The following RUSC2 variants were observed in gnomAD, a reference collection of about 807,000 sequenced individuals.
RUSC2 encodes the protein AP-4 complex accessory subunit RUSC2.
Under a neutral mutation model 122.2 loss-of-function variants are expected in RUSC2, and 34 were observed. That is an observed-to-expected ratio of 0.28 (90% confidence interval 0.21 to 0.37). The LOEUF is 0.37. Ranked by LOEUF, RUSC2 falls within the 10% of genes least tolerant of loss-of-function variation. The probability of loss-of-function intolerance (pLI) is 1.00; values close to 1 mark genes in which losing one functional copy is unlikely to be tolerated. For synonymous variants in RUSC2, 784 were observed against 790.0 expected, an observed-to-expected ratio of 0.99 and a Z score of 0.13; for missense variants, 1,747 against 1,952.4, an observed-to-expected ratio of 0.89 and a Z score of 1.98.
At chr9:35,505,861 T>C (rs1380011003) in intron 1 of RUSC2, among the ~76,000 whole-genome samples, 1 of 152,174 alleles carries the variant, frequency 6.6e-6, no homozygotes, top group Non-Finnish European at 1.5e-5. Context: ...AAAGGGCATC[T>C]ACAAAAAACC....
chr9:35,553,346 G>A (rs1036701189), intron 2 of RUSC2, among the ~76,000 whole-genome samples: 1 of 152,200 alleles, frequency 6.6e-6, no homozygotes, highest in Non-Finnish European at 1.5e-5. Context: ...TCATTTAACA[G>A]ATGGTTTTTC....
Position 35,513,903 on chromosome 9 carries a change from CATATATATAT to C in RUSC2, c.-93+23758_-93+23767del, listed in dbSNP as rs3068511. ...CTTTTGTAAATAGTGCTTCAACAAACATATATATATATATATATATATATATATATATATA... is the reference window on the plus strand; with the variant it reads ...CTTTTGTAAATAGTGCTTCAACAAACATATATATATATATATATATATATA... On this transcript the variant is annotated intron_variant, in intron 1 of 11. Coordinates refer to ENST00000361226, the MANE Select transcript of RUSC2 (RefSeq NM_014806.5). 3.6e-3 allele frequency among the ~76,000 whole-genome samples: 370 copies of C among 104,212 alleles called. 3 individuals carry two copies. The highest frequency in any genetic ancestry group is 6.6e-3 in the African/African-American group (177 of 26,900). 68.4% of individuals were successfully genotyped at this position (104,212 alleles called of 152,430 possible).
At chr9:35,499,621 C>T (rs972670604) in intron 1 of RUSC2, among the ~76,000 whole-genome samples, 1 of 152,100 alleles carries the variant, frequency 6.6e-6, no homozygotes, top group Admixed American at 6.5e-5. Flanking sequence ...GATCAAAAGT[C>T]TATACTTAAC....
intron 1 of RUSC2, among the ~76,000 whole-genome samples, chr9:35,494,627 C>A (rs916836570): frequency 6.6e-6 from 1 of 151,812 alleles, no homozygotes; most frequent in African/African-American, 2.4e-5. Flanking sequence ...GTCCTTTGCC[C>A]ATTCTTGGAT....
intron 1 of RUSC2, among the ~76,000 whole-genome samples, chr9:35,536,151 G>T (rs1415097942): frequency 1.3e-5 from 2 of 151,126 alleles, no homozygotes; most frequent in Non-Finnish European, 3.0e-5. Context: ...CAATGAGAAA[G>T]TACAGTATGC....
At chr9:35,531,801 G>A (rs1432767615) in intron 1 of RUSC2, among the ~76,000 whole-genome samples, 2 of 152,162 alleles carry the variant, frequency 1.3e-5, no homozygotes, top group Non-Finnish European at 2.9e-5. Context: ...CAAGGCAGGC[G>A]GATCACGAGG....
At chr9:35,502,732 G>A (rs1417753086) in intron 1 of RUSC2, among the ~76,000 whole-genome samples, 1 of 152,140 alleles carries the variant, frequency 6.6e-6, no homozygotes, top group East Asian at 1.9e-4. Flanking sequence ...ATCTATGTTT[G>A]AATGAGCCAT....
In RUSC2 at chr9:35,493,830, T is replaced by C. The variant is rs1330569014; in HGVS notation, c.-93+3658T>C. Among the ~76,000 whole-genome samples, 7 of 152,270 alleles carry C rather than the reference T, an allele frequency of 4.6e-5. No homozygotes were observed. The East Asian group carries it at 1.4e-3, about 29-fold the overall frequency. Reference sequence around the variant, plus strand: ...AATTTCACTCCTTTTAAAGGCTGAATAATATTCCATTGTATGTATACACTA... The same window carrying C: ...AATTTCACTCCTTTTAAAGGCTGAACAATATTCCATTGTATGTATACACTA... On this transcript the variant is annotated intron_variant, in intron 1 of 11. Transcript: ENST00000361226.
chr9:35,558,207 G>C lies in RUSC2; in HGVS notation c.3071G>C (p.Gly1024Ala), dbSNP rs1291721718. Residue 1024 changes from glycine to alanine, a missense_variant, in exon 7 of 12, where the codon GGA becomes GCA. By Grantham distance (60) the Gly-to-Ala change is moderately conservative. Transcript: ENST00000361226. The surrounding 1 kb of genome is among the most constrained non-coding windows in gnomAD (Gnocchi z 4.3). ...SRDPGVKAKL[G>A]NSSVSPNVGH... ...CTACCACACCTACAGGCAAAGCTGGGAAACAGTTCTGTGAGCCCCAATGTG... is the reference window on the plus strand; with the variant it reads ...CTACCACACCTACAGGCAAAGCTGGCAAACAGTTCTGTGAGCCCCAATGTG... 1 of 1,613,248 alleles carries C rather than the reference G, an allele frequency of 6.2e-7. No homozygotes were observed. Among genetic ancestry groups the C allele is most frequent in the African/African-American group, 1.3e-5 (1 of 75,040 alleles).
At position 35,555,959 on chromosome 9, in the gene RUSC2, C is replaced by G. The variant is rs1024801831; in HGVS notation, c.2664C>G (p.His888Gln). The G allele has an allele frequency of 6.2e-7, 1 of 1,614,014 alleles. No individual in the cohort carries two copies. The highest frequency in any genetic ancestry group is 1.3e-5 in the African/African-American group (1 of 75,068). The change falls in exon 4 of 12, where the codon CAC (histidine) becomes CAG (glutamine). Residue 888 changes from histidine to glutamine, a missense_variant. Physicochemically the swap from His to Gln is conservative, Grantham distance 24 (BLOSUM62 0). Transcript: ENST00000361226. The surrounding 1 kb of genome is among the most constrained non-coding windows in gnomAD (Gnocchi z 4.6). ...SMATRPSNAN[H>Q]LSPQALKWRE... ...AATCTGTTCTGCTTCCAGCCAACCA[C>G]CTATCCCCTCAAGCCCTCAAGTGGC...
Position 35,548,350 on chromosome 9 carries a change from G to A in RUSC2, c.1829G>A (p.Gly610Asp). The change falls in exon 2 of 12, where the codon GGC becomes GAC. Residue 610 changes from glycine to aspartate, a missense_variant. By Grantham distance (94) the Gly-to-Asp change is moderately conservative (BLOSUM62 -1). Transcript: ENST00000361226. The surrounding 1 kb of genome is among the most constrained non-coding windows in gnomAD (Gnocchi z 4.5). ...MPLGPGMDLL[G>D]PDPSPPWSTQ... ...TTGGGGCCAGGCATGGACCTACTTG[G>A]CCCAGACCCAAGTCCACCCTGGTCC... 6.2e-7 allele frequency: 1 copy of A among 1,614,022 alleles called. No individual in the cohort carries two copies. The highest frequency in any genetic ancestry group is 8.5e-7 in the Non-Finnish European group (1 of 1,180,032).
In RUSC2 at chr9:35,547,256, A is replaced by G; in HGVS notation, c.735A>G (p.Ser245=). 1 of 1,614,216 alleles carries G rather than the reference A, an allele frequency of 6.2e-7. No individual in the cohort carries two copies. The highest frequency in any genetic ancestry group is 8.5e-7 in the Non-Finnish European group (1 of 1,180,034). Residue 245 remains serine, a synonymous_variant, in exon 2 of 12, where the codon TCA becomes TCG. Transcript: ENST00000361226. The surrounding 1 kb of genome is among the most constrained non-coding windows in gnomAD (Gnocchi z 4.6). ...ESPRNPGCSG[S]GDQHCRCSST... is the part of the protein sequence containing the mutation. ...CAAGGAACCCTGGATGCTCCGGCTC[A>G]GGGGACCAGCACTGCCGCTGCAGTA...
intron 1 of RUSC2, among the ~76,000 whole-genome samples, chr9:35,514,084 A>G (rs1228641572): frequency 2.0e-5 from 3 of 151,934 alleles, no homozygotes; most frequent in African/African-American, 4.8e-5. Flanking sequence ...ATATTAATCT[A>G]TGCATCCCAG....
In RUSC2 at chr9:35,526,200, C is replaced by T. The variant is rs150380893; in HGVS notation, c.-92-20230C>T. ...TCAGTAACCAATGTTTATATTCATG[C>T]CTGCTTTATTTTGAGCACCCTGGAT... On this transcript the variant is annotated intron_variant, in intron 1 of 11. Coordinates refer to ENST00000361226, the MANE Select transcript of RUSC2 (RefSeq NM_014806.5). 2.4e-3 allele frequency among the ~76,000 whole-genome samples: 364 copies of T among 152,204 alleles called. 1 individual carries two copies. Among genetic ancestry groups the T allele is most frequent in the Non-Finnish European group, 3.7e-3 (253 of 68,014 alleles).
chr9:35,492,029 G>A (rs1820577719), intron 1 of RUSC2, among the ~76,000 whole-genome samples: 1 of 152,076 alleles, frequency 6.6e-6, no homozygotes, highest in Non-Finnish European at 1.5e-5. Flanking sequence ...TGATCTGGAT[G>A]GATTAAGCAA....
At position 35,558,662 on chromosome 9, in the gene RUSC2, C is replaced by T. The variant is rs1314107871; in HGVS notation, c.3341+95C>T. ...CCAAGGAAACAACGCCCTGGACAGA[C>T]AGAAAGGGTGGATCTGGAGGGTCCC... On this transcript the variant is annotated intron_variant, in intron 8 of 11. Coordinates refer to ENST00000361226, the MANE Select transcript of RUSC2 (RefSeq NM_014806.5). The surrounding 1 kb of genome is among the most constrained non-coding windows in gnomAD (Gnocchi z 4.3). 17 of 1,052,850 alleles carry T rather than the reference C, an allele frequency of 1.6e-5. No individual in the cohort carries two copies. The highest frequency in any genetic ancestry group is 2.5e-5 in the Non-Finnish European group (17 of 680,734). The allele number at this position is 1,052,850 out of a possible 1,614,324, so 65.2% of individuals were successfully genotyped here.
At chr9:35,499,023 A>G (rs909623572) in intron 1 of RUSC2, among the ~76,000 whole-genome samples, 4 of 152,124 alleles carry the variant, frequency 2.6e-5, no homozygotes, top group Non-Finnish European at 4.4e-5. Flanking sequence ...GTGGCGGCTT[A>G]TGCCTGTAAT....
chr9:35,555,816 C>T lies in RUSC2; in HGVS notation c.2656+115C>T. ...CTGGGGCCAGAGGTTAGGATGTCTG[C>T]ATCCCTCCCTCAGCATCTGTAGATA... On this transcript the variant is annotated intron_variant, in intron 3 of 11. Transcript: ENST00000361226. This position sits in a 1 kb window ranked among gnomAD's most constrained non-coding sequence, Gnocchi z 4.6. 1.4e-6 allele frequency: 2 copies of T among 1,459,480 alleles called. No homozygotes were observed. Among genetic ancestry groups the T allele is most frequent in the Non-Finnish European group, 1.8e-6 (2 of 1,083,952 alleles). 90.4% of individuals were successfully genotyped at this position (1,459,480 alleles called of 1,614,324 possible). A position where few individuals can be genotyped will look rare whatever the true frequency, so the allele number is the denominator to read the frequency against.
In RUSC2 at chr9:35,546,771, A is replaced by T. The variant is rs1821754397; in HGVS notation, c.250A>T (p.Thr84Ser). The T allele has an allele frequency of 4.4e-6, 7 of 1,603,852 alleles. No individual in the cohort carries two copies. Among genetic ancestry groups the T allele is most frequent in the Non-Finnish European group, 6.0e-6 (7 of 1,175,272 alleles). Reference protein sequence around the residue: ...PGGTARSIDSTKSRSRDGRGP... With the variant: ...PGGTARSIDSSKSRSRDGRGP... Reference sequence around the variant, plus strand: ...AGGAACTGCACGGTCTATAGACAGCACCAAGAGTAGGAGTCGGGATGGAAG... The same window carrying T: ...AGGAACTGCACGGTCTATAGACAGCTCCAAGAGTAGGAGTCGGGATGGAAG... The change falls in exon 2 of 12, where the codon ACC becomes TCC. Residue 84 changes from threonine to serine, a missense_variant. Transcript: ENST00000361226. The surrounding 1 kb of genome is among the most constrained non-coding windows in gnomAD (Gnocchi z 4.3).
Sources: allele counts gnomAD v4.1 joint callset (sites outside exome capture counted in the v4.1 genomes callset), GRCh38; gene constraint gnomAD v4.1.1; non-coding constraint Gnocchi (gnomAD v3.1); transcripts MANE v1.5; gene names NCBI Gene and HGNC (gene_info 2026-07-23, HGNC 2026-07-21).